DNAJC5B: variants seen among roughly 807,000 people sequenced by gnomAD.
DNAJC5B encodes the protein DnaJ heat shock protein family (Hsp40) member C5 beta, also known as dnaJ homolog subfamily C member 5B.
In DNAJC5B, 23 loss-of-function variants were observed where a neutral mutation model predicts 24.7. The observed-to-expected ratio is 0.93, with a 90% CI of 0.67 to 1.32. The LOEUF (loss-of-function observed/expected upper bound fraction) is 1.32. Among genes scored for constraint, DNAJC5B ranks in the 40% most tolerant of loss-of-function variants. The probability of loss-of-function intolerance (pLI) is 0.00; values close to 1 mark genes in which losing one functional copy is unlikely to be tolerated. For synonymous variants in DNAJC5B, 101 were observed against 90.1 expected (o/e 1.12, Z -0.68); for missense variants, 238 against 240.8 (o/e 0.99, Z 0.08).
At chr8:66,033,101 C>T (rs1041612821) in intron 1 of DNAJC5B, among the ~76,000 whole-genome samples, 4 of 152,232 alleles carry the variant, frequency 2.6e-5, no homozygotes, top group African/African-American at 9.6e-5. Flanking sequence ...CAGTCCAGTG[C>T]TTCTGGTGTA....
chr8:66,028,989 C>A lies in DNAJC5B; in HGVS notation c.-142+7284C>A, dbSNP rs142016254. 9.5e-3 allele frequency among the ~76,000 whole-genome samples: 1,440 copies of A among 152,292 alleles called. 13 individuals are homozygous for A. The highest frequency in any genetic ancestry group is 0.048 in the Middle Eastern group (14 of 294). ...TCCATTCTTCCCCACCTCTTATGCACCAGGTAGATCTGTCTGCCTTCAATT... is the reference window on the plus strand; with the variant it reads ...TCCATTCTTCCCCACCTCTTATGCAACAGGTAGATCTGTCTGCCTTCAATT... On this transcript the variant is annotated intron_variant, in intron 1 of 5. Transcript: ENST00000276570.
chr8:66,064,440 C>T (rs558205322), intron 3 of DNAJC5B, among the ~76,000 whole-genome samples: 3 of 152,072 alleles, frequency 2.0e-5, no homozygotes, highest in Non-Finnish European at 4.4e-5. Flanking sequence ...ACCAGGGGTG[C>T]GAGCTGCTAT....
At chr8:66,054,565 C>A (rs1352184385) in intron 3 of DNAJC5B, among the ~76,000 whole-genome samples, 1 of 152,158 alleles carries the variant, frequency 6.6e-6, no homozygotes, top group Non-Finnish European at 1.5e-5. Context: ...AGGGTTGGAA[C>A]CTTCACCATG....
chr8:66,076,915 A>G (rs369117196), intron 4 of DNAJC5B, 42 bp downstream of exon 4: 1 of 1,598,428 alleles, frequency 6.3e-7, no homozygotes, highest in Middle Eastern at 1.7e-4. Context: ...CTGTAAGACC[A>G]TGATATTAAT....
upstream of DNAJC5B, among the ~76,000 whole-genome samples, chr8:66,017,838 A>C (rs1805994537): frequency 6.6e-6 from 1 of 152,262 alleles, no homozygotes; most frequent in Non-Finnish European, 1.5e-5. Context: ...AGTATCCTGA[A>C]TGGATGGACA....
chr8:66,080,757 C>T (rs1295678610), intron 5 of DNAJC5B, among the ~76,000 whole-genome samples: 5 of 151,946 alleles, frequency 3.3e-5, no homozygotes, highest in Admixed American at 1.3e-4. Flanking sequence ...TGCCTGATGC[C>T]GTTAGAAAGA....
At chr8:66,038,300 A>T (rs1010689641) in intron 1 of DNAJC5B, among the ~76,000 whole-genome samples, 2 of 152,212 alleles carry the variant, frequency 1.3e-5, no homozygotes, top group Admixed American at 1.3e-4. Context: ...ATCCAGTGTG[A>T]CATAGGTGGT....
intron 5 of DNAJC5B, among the ~76,000 whole-genome samples, chr8:66,082,070 T>A (rs549798524): frequency 5.9e-5 from 9 of 152,206 alleles, no homozygotes; most frequent in Admixed American, 2.6e-4. Flanking sequence ...AATCCTAGCA[T>A]CTGAATCCTA....
intron 1 of DNAJC5B, among the ~76,000 whole-genome samples, chr8:66,026,358 C>G (rs1478061195): frequency 6.6e-6 from 1 of 152,150 alleles, no homozygotes; most frequent in African/African-American, 2.4e-5. Context: ...TTTGAAGTTT[C>G]AAATCTCTCC....
At chr8:66,023,112 G>A (rs904967450) in intron 1 of DNAJC5B, among the ~76,000 whole-genome samples, 5 of 152,182 alleles carry the variant, frequency 3.3e-5, no homozygotes, top group African/African-American at 7.2e-5. Flanking sequence ...CCACAGCTTC[G>A]TTTCCAGGAG....
intron 1 of DNAJC5B, among the ~76,000 whole-genome samples, chr8:66,024,441 T>C (rs1393530919): frequency 6.8e-6 from 1 of 146,038 alleles, no homozygotes; most frequent in Non-Finnish European, 1.5e-5. Context: ...TTTTTATTAT[T>C]ATACTCTAAG....
At chr8:66,047,486 C>T (rs1806746221) in intron 2 of DNAJC5B, among the ~76,000 whole-genome samples, 1 of 152,226 alleles carries the variant, frequency 6.6e-6, no homozygotes, top group Non-Finnish European at 1.5e-5. Flanking sequence ...CCAGCATGCA[C>T]TGATCTCCCA....
intron 1 of DNAJC5B, among the ~76,000 whole-genome samples, chr8:66,038,951 C>A (rs1351225285): frequency 6.6e-6 from 1 of 152,232 alleles, no homozygotes; most frequent in Admixed American, 6.5e-5. Context: ...AGATTCTGAG[C>A]TTTACTTAAC....
chr8:66,063,510 A>T (rs1418516735), intron 3 of DNAJC5B, among the ~76,000 whole-genome samples: 1 of 152,198 alleles, frequency 6.6e-6, no homozygotes. Flanking sequence ...TGAGTTCTAA[A>T]ACCTTCCACT....
At chr8:66,082,004 A>G (rs1797887027) in intron 5 of DNAJC5B, among the ~76,000 whole-genome samples, 1 of 151,886 alleles carries the variant, frequency 6.6e-6, no homozygotes, top group Middle Eastern at 3.2e-3. Flanking sequence ...ATGCATGGAA[A>G]CTCCTTTTCT....
At chr8:66,039,176 C>T (rs968246367) in intron 1 of DNAJC5B, among the ~76,000 whole-genome samples, 1 of 152,170 alleles carries the variant, frequency 6.6e-6, no homozygotes, top group African/African-American at 2.4e-5. Flanking sequence ...TTACAAGCTC[C>T]TGAAGCAAAG....
intron 5 of DNAJC5B, among the ~76,000 whole-genome samples, chr8:66,089,652 A>G (rs1807803709): frequency 6.6e-6 from 1 of 152,200 alleles, no homozygotes; most frequent in Admixed American, 6.5e-5. Context: ...ACAAAATTGT[A>G]TCAATCTTTG....
chr8:66,082,504 C>T (rs1379143390), intron 5 of DNAJC5B, among the ~76,000 whole-genome samples: 1 of 152,136 alleles, frequency 6.6e-6, no homozygotes, highest in Non-Finnish European at 1.5e-5. Flanking sequence ...CAGGTTTCCT[C>T]CCTGCTGGGT....
At chr8:66,059,976 C>T (rs868133944) in intron 3 of DNAJC5B, among the ~76,000 whole-genome samples, 2 of 152,160 alleles carry the variant, frequency 1.3e-5, no homozygotes, top group African/African-American at 4.8e-5. Flanking sequence ...CCTTGAGAGC[C>T]GAGGGAACAC....
Sources: allele counts gnomAD v4.1 joint callset (sites outside exome capture counted in the v4.1 genomes callset), GRCh38; gene constraint gnomAD v4.1.1; transcripts MANE v1.5; gene names NCBI Gene and HGNC (gene_info 2026-07-23, HGNC 2026-07-21).